FUBP3: variants seen among roughly 807,000 people sequenced by gnomAD.
The protein encoded by FUBP3 is far upstream element-binding protein 3.
Under a neutral mutation model 85.6 loss-of-function variants are expected in FUBP3, and 28 were observed. That is an observed-to-expected ratio of 0.33 (90% confidence interval 0.24 to 0.45). FUBP3 has a LOEUF of 0.45. Ranked by LOEUF, FUBP3 falls within the 20% of genes least tolerant of loss-of-function variation. FUBP3 has a pLI of 1.00. For synonymous variants in FUBP3, 271 were observed against 271.4 expected, an observed-to-expected ratio of 1.00 and a Z score of 0.01; for missense variants, 583 against 755.1, an observed-to-expected ratio of 0.77 and a Z score of 2.67.
intron 2 of FUBP3, among the ~76,000 whole-genome samples, chr9:130,598,673 A>T (rs903293216): frequency 6.6e-6 from 1 of 152,234 alleles, no homozygotes. Context: ...ACTATTTTGG[A>T]TAAGTAGTTT....
At position 130,616,373 on chromosome 9, in the gene FUBP3, G is replaced by T. The variant is rs764913494; in HGVS notation, c.423G>T (p.Leu141=). 2 of 1,614,132 alleles carry T rather than the reference G, an allele frequency of 1.2e-6. No homozygotes were observed. The change falls in exon 7 of 19, where the codon CTG becomes CTT. Residue 141 remains leucine (L), a synonymous_variant. Coordinates refer to ENST00000319725, the MANE Select transcript of FUBP3 (RefSeq NM_003934.2). The surrounding 1 kb of genome is among the most constrained non-coding windows in gnomAD (Gnocchi z 4.7). ...PESIEQAKRL[L]GQIVDRCRNG... is the part of the protein sequence containing the mutation. ...CCCAAAGACAAGCCAAACGGCTCCTGGGACAGATTGTGGACCGCTGTCGAA... is the reference window on the plus strand; with the variant it reads ...CCCAAAGACAAGCCAAACGGCTCCTTGGACAGATTGTGGACCGCTGTCGAA...
At chr9:130,600,483 T>C (rs1013886394) in intron 2 of FUBP3, among the ~76,000 whole-genome samples, 4 of 152,124 alleles carry the variant, frequency 2.6e-5, no homozygotes, top group Non-Finnish European at 5.9e-5. Flanking sequence ...TAATCTAAAT[T>C]AGAGGTTGGC....
chr9:130,591,620 TACCCAG>T (rs1830629329), intron 1 of FUBP3, among the ~76,000 whole-genome samples: 1 of 152,218 alleles, frequency 6.6e-6, no homozygotes, highest in African/African-American at 2.4e-5. Context: ...GTTGAACTCA[TACCCAG>T]CATTTGTTTA....
At chr9:130,595,360 C>G (rs909583515) in intron 1 of FUBP3, 123 bp from the exon 2 acceptor site, 36 of 660,080 alleles carry the variant, frequency 5.5e-5, no homozygotes, top group Non-Finnish European at 1.1e-5. Flanking sequence ...TGCGGTGCTG[C>G]CTTCCATTAA....
chr9:130,607,934 A>G (rs910295363), intron 2 of FUBP3, among the ~76,000 whole-genome samples: 1 of 152,194 alleles, frequency 6.6e-6, no homozygotes, highest in Non-Finnish European at 1.5e-5. Flanking sequence ...TCTGGTCATT[A>G]TGAGTGCCTC....
intron 2 of FUBP3, among the ~76,000 whole-genome samples, chr9:130,606,558 C>T (rs149569934): frequency 0.031 from 4,714 of 152,170 alleles, 102 homozygotes; most frequent in Non-Finnish European, 0.048. Flanking sequence ...CGGTGGCTCA[C>T]GCCTGTAATC....
At chr9:130,580,255 G>A (rs1220439958) in intron 1 of FUBP3, among the ~76,000 whole-genome samples, 2 of 152,256 alleles carry the variant, frequency 1.3e-5, no homozygotes, top group African/African-American at 4.8e-5. Context: ...AGAGGTGAGA[G>A]AGGGAGGTGT....
chr9:130,632,106 A>G (rs1388646810), intron 15 of FUBP3, 84 bp downstream of exon 15: 65 of 1,467,546 alleles, frequency 4.4e-5, no homozygotes, highest in Non-Finnish European at 5.9e-5. Context: ...GGGTCCGGTG[A>G]TGCTTGGCTG....
chr9:130,630,000 C>T (rs1265987404), intron 12 of FUBP3, among the ~76,000 whole-genome samples: 1 of 152,220 alleles, frequency 6.6e-6, no homozygotes, highest in Non-Finnish European at 1.5e-5. Flanking sequence ...TTTTTGTTAG[C>T]CCGGCTCCAC....
chr9:130,617,310 C>G (rs912987599), intron 7 of FUBP3, among the ~76,000 whole-genome samples: 3 of 152,178 alleles, frequency 2.0e-5, no homozygotes, highest in Admixed American at 1.3e-4. Context: ...CATCTCATAA[C>G]CTGGTCCTTG....
chr9:130,630,688 A>AC lies in FUBP3; in HGVS notation c.1184dup (p.Pro396SerfsTer28), dbSNP rs751337571. On this transcript the variant is annotated frameshift_variant, in exon 13 of 19. Transcript: ENST00000319725. LOFTEE classifies it high-confidence loss of function. ...GGGGCGCACGTGGAGCTTCAGAGGA[A>AC]CCCCCCTCCCAACAGCGACCCCAAC... 3 of 1,597,748 alleles carry AC rather than the reference A, an allele frequency of 1.9e-6. No individual in the cohort carries two copies. Among genetic ancestry groups the AC allele is most frequent in the Non-Finnish European group, 2.6e-6 (3 of 1,172,780 alleles).
intron 2 of FUBP3, among the ~76,000 whole-genome samples, chr9:130,609,324 A>G (rs1831622533): frequency 6.6e-6 from 1 of 152,164 alleles, no homozygotes. Context: ...AATGGGCTTG[A>G]AAGGCAGTTG....
intron 1 of FUBP3, among the ~76,000 whole-genome samples, chr9:130,590,175 A>G (rs970300634): frequency 5.9e-5 from 9 of 152,058 alleles, no homozygotes; most frequent in East Asian, 1.9e-4. Flanking sequence ...TGTGAGAACA[A>G]TGGAACTTTA....
At chr9:130,606,048 T>A (rs975372394) in intron 2 of FUBP3, among the ~76,000 whole-genome samples, 2 of 152,178 alleles carry the variant, frequency 1.3e-5, no homozygotes, top group Non-Finnish European at 2.9e-5. Context: ...TTTCACTTTT[T>A]AAAAAATAAT....
At chr9:130,608,926 A>C (rs144930273) in intron 2 of FUBP3, among the ~76,000 whole-genome samples, 3 of 152,284 alleles carry the variant, frequency 2.0e-5, no homozygotes, top group Middle Eastern at 3.4e-3. Flanking sequence ...ATTCAGATGG[A>C]GTTCAATTGT....
chr9:130,624,372 G>A (rs1398567511), intron 11 of FUBP3, among the ~76,000 whole-genome samples: 1 of 152,192 alleles, frequency 6.6e-6, no homozygotes, highest in African/African-American at 2.4e-5. Flanking sequence ...GAGCCATCTG[G>A]TGGTTCTTAC....
chr9:130,580,098 G>A (rs771198160), intron 1 of FUBP3, among the ~76,000 whole-genome samples: 3 of 152,220 alleles, frequency 2.0e-5, no homozygotes, highest in Non-Finnish European at 4.4e-5. Flanking sequence ...GGAGGGGTCC[G>A]GGAAGCCCAC....
At chr9:130,619,302 CATTT>C (rs1564213625) in intron 8 of FUBP3, among the ~76,000 whole-genome samples, 5 of 134,768 alleles carry the variant, frequency 3.7e-5, no homozygotes, top group African/African-American at 1.6e-4. Flanking sequence ...CTGTATATTT[CATTT>C]TTTTTTTTTT....
At chr9:130,614,906 T>G (rs1831924561) in intron 6 of FUBP3, among the ~76,000 whole-genome samples, 2 of 152,164 alleles carry the variant, frequency 1.3e-5, no homozygotes, top group Non-Finnish European at 2.9e-5. Flanking sequence ...ACTCACATAC[T>G]CAGAACCTTA....
Sources: gnomAD v4.1 joint callset for allele counts (sites outside exome capture counted in the v4.1 genomes callset) on GRCh38, gnomAD v4.1.1 for gene constraint, Gnocchi (gnomAD v3.1) non-coding constraint, MANE v1.5 for transcripts, NCBI Gene and HGNC (gene_info 2026-07-23, HGNC 2026-07-21) for gene names.